Variants in AGMO observed in about 807,000 individuals in gnomAD.
The protein encoded by AGMO is glyceryl-ether monooxygenase.
Under a neutral mutation model 60.2 loss-of-function variants are expected in AGMO, and 75 were observed. That is an observed-to-expected ratio of 1.25 (90% CI 1.03 to 1.51). The LOEUF is 1.51. Ranked by LOEUF, AGMO falls within the 40% of genes most tolerant of loss-of-function variation. AGMO has a pLI of 0.00. For missense variants in AGMO, 763 were observed against 525.5 expected, an observed-to-expected ratio of 1.45 and a Z score of -4.42; for synonymous variants, 261 against 177.1, an observed-to-expected ratio of 1.47 and a Z score of -3.76.
intron 10 of AGMO, among the ~76,000 whole-genome samples, chr7:15,384,817 C>CTTTTTTTT (rs71953359): frequency 8.2e-6 from 1 of 121,308 alleles, no homozygotes; most frequent in Non-Finnish European, 1.7e-5. Flanking sequence ...CTGTTTTTCT[C>CTTTTTTTT]TTTTTTTTTT....
intron 12 of AGMO, among the ~76,000 whole-genome samples, chr7:15,362,764 G>A (rs778926711): frequency 6.6e-6 from 1 of 152,140 alleles, no homozygotes; most frequent in Non-Finnish European, 1.5e-5. Context: ...CAAACCACGT[G>A]TCTTTTCAAA....
At chr7:15,544,391 A>T (rs1277648986) in intron 3 of AGMO, among the ~76,000 whole-genome samples, 1 of 152,128 alleles carries the variant, frequency 6.6e-6, no homozygotes. Flanking sequence ...ACACAAACAA[A>T]AAAACCTTTT....
intron 3 of AGMO, among the ~76,000 whole-genome samples, chr7:15,437,383 A>G (rs945805278): frequency 6.6e-6 from 1 of 152,212 alleles, no homozygotes; most frequent in Non-Finnish European, 1.5e-5. Flanking sequence ...CAAATTAAGT[A>G]TATCTAAAAC....
intron 12 of AGMO, among the ~76,000 whole-genome samples, chr7:15,326,415 T>A (rs1163888683): frequency 1.3e-5 from 2 of 152,166 alleles, no homozygotes; most frequent in African/African-American, 2.4e-5. Context: ...CTCTTTAGAA[T>A]CCTCCCTCCT....
chr7:15,258,432 C>T (rs1783166194), intron 12 of AGMO, among the ~76,000 whole-genome samples: 1 of 151,928 alleles, frequency 6.6e-6, no homozygotes, highest in Admixed American at 6.6e-5. Flanking sequence ...GTAGTCCCAG[C>T]TACTCGGGAG....
chr7:15,290,357 T>C (rs1042170246), intron 12 of AGMO, among the ~76,000 whole-genome samples: 5 of 152,132 alleles, frequency 3.3e-5, no homozygotes, highest in African/African-American at 1.2e-4. Flanking sequence ...TTCTCATAGA[T>C]GATTAGTAGA....
At chr7:15,384,822 T>C (rs867332694) in intron 10 of AGMO, among the ~76,000 whole-genome samples, 176 of 148,496 alleles carry the variant, frequency 1.2e-3, no homozygotes, top group Middle Eastern at 6.9e-3. Flanking sequence ...TTTCTCTTTT[T>C]TTTTTTTTTT....
chr7:15,545,821 T>C (rs1784765557), intron 2 of AGMO, among the ~76,000 whole-genome samples: 1 of 152,020 alleles, frequency 6.6e-6, no homozygotes, highest in African/African-American at 2.4e-5. Context: ...TGTTTTGTTT[T>C]GTCACTTTTA....
At chr7:15,189,777 G>A in the AGMO span, among the ~76,000 whole-genome samples, 8,952 of 151,046 alleles carry the variant, frequency 0.059, 392 homozygotes, top group Non-Finnish European at 0.09. Flanking sequence ...AATAGAAAAA[G>A]CTATTTCTTG....
At chr7:15,224,770 A>C (rs73277626) in intron 12 of AGMO, among the ~76,000 whole-genome samples, 3,268 of 152,148 alleles carry the variant, frequency 0.021, 114 homozygotes, top group African/African-American at 0.075. Flanking sequence ...AGGAAATATA[A>C]AATTATGGTT....
chr7:15,296,018 T>C (rs947751624), intron 12 of AGMO, among the ~76,000 whole-genome samples: 1 of 152,146 alleles, frequency 6.6e-6, no homozygotes, highest in Non-Finnish European at 1.5e-5. Flanking sequence ...TAAAATTTTC[T>C]TCAATTATGT....
At chr7:15,277,001 C>G (rs994334108) in intron 12 of AGMO, among the ~76,000 whole-genome samples, 3 of 151,234 alleles carry the variant, frequency 2.0e-5, no homozygotes, top group Admixed American at 6.6e-5. Context: ...AGTTTTCTTA[C>G]AATCTAAAGT....
At chr7:15,165,750 G>C in the AGMO span, among the ~76,000 whole-genome samples, 1 of 151,836 alleles carries the variant, frequency 6.6e-6, no homozygotes, top group African/African-American at 2.4e-5. Context: ...TGGTTAATTG[G>C]GACATTGTAA....
In AGMO at chr7:15,330,540, A is replaced by T. The variant is rs139850610; in HGVS notation, c.1263+34974T>A. 3.5e-3 allele frequency among the ~76,000 whole-genome samples: 537 copies of T among 152,218 alleles called. 1 individual carries two copies. Among genetic ancestry groups the T allele is most frequent in the African/African-American group, 0.012 (504 of 41,532 alleles). On this transcript the variant is annotated intron_variant, in intron 12 of 12. Coordinates refer to ENST00000342526, the MANE Select transcript of AGMO (RefSeq NM_001004320.2). ...ATTTGTGTTACTAGAAAGTTTTGAG[A>T]TTTTTGAGGTTAGGCACTCCCTTTA...
At chr7:15,241,459 C>CA (rs61727790) in intron 12 of AGMO, among the ~76,000 whole-genome samples, 14,569 of 50,802 alleles carry the variant, frequency 0.29, 3,843 homozygotes, top group Non-Finnish European at 0.35. Context: ...GACTCCGTCT[C>CA]AAAAAAAAAA....
intron 12 of AGMO, among the ~76,000 whole-genome samples, chr7:15,336,355 ATT>A (rs1320463432): frequency 6.6e-6 from 1 of 151,516 alleles, no homozygotes; most frequent in Non-Finnish European, 1.5e-5. Context: ...TTTAAGGTTT[ATT>A]TGTTTTCTTT....
At chr7:15,130,374 A>T in the AGMO span, among the ~76,000 whole-genome samples, 5 of 151,636 alleles carry the variant, frequency 3.3e-5, no homozygotes, top group East Asian at 5.8e-4. Flanking sequence ...TTTCTCTCCT[A>T]GAACTAAAAA....
downstream of AGMO, among the ~76,000 whole-genome samples, chr7:15,197,788 T>G (rs919095248): frequency 2.6e-5 from 4 of 152,240 alleles, no homozygotes; most frequent in African/African-American, 9.6e-5. Flanking sequence ...CAAATTGAAT[T>G]GAAAATACTC....
chr7:15,263,869 T>C (rs1456975763), intron 12 of AGMO, among the ~76,000 whole-genome samples: 4 of 152,038 alleles, frequency 2.6e-5, no homozygotes, highest in Non-Finnish European at 5.9e-5. Flanking sequence ...TCTATGAGGA[T>C]GCAAAGGCAT....
Sources: allele counts gnomAD v4.1 joint callset (sites outside exome capture counted in the v4.1 genomes callset), GRCh38; gene constraint gnomAD v4.1.1; transcripts MANE v1.5; gene names NCBI Gene and HGNC (gene_info 2026-07-23, HGNC 2026-07-21).